The following ADAMTS12 variants were observed in gnomAD, a reference collection of about 807,000 sequenced individuals.
ADAMTS12 encodes A disintegrin and metalloproteinase with thrombospondin motifs 12.
A neutral mutation model predicts 167.8 loss-of-function variants in ADAMTS12; 118 were observed. The observed-to-expected ratio is 0.70, with a 90% CI of 0.61 to 0.82. ADAMTS12 has a LOEUF of 0.82. ADAMTS12 is among the 40% of genes least tolerant of loss of function. ADAMTS12 has a pLI of 0.00. For missense variants in ADAMTS12, 1,916 were observed against 1,998.8 expected (o/e 0.96, Z 0.79); for synonymous variants, 704 against 716.9 (o/e 0.98, Z 0.29).
At chr5:33,552,599 A>G (rs1487088914) in intron 20 of ADAMTS12, among the ~76,000 whole-genome samples, 1 of 152,196 alleles carries the variant, frequency 6.6e-6, no homozygotes, top group Non-Finnish European at 1.5e-5. Context: ...TTCTTTCTGA[A>G]ATATGGAAAG....
intron 9 of ADAMTS12, among the ~76,000 whole-genome samples, chr5:33,645,771 G>A (rs1249195919): frequency 6.6e-6 from 1 of 152,032 alleles, no homozygotes; most frequent in African/African-American, 2.4e-5. Context: ...TTGTTAACAC[G>A]GAAAATGATG....
chr5:33,683,146 A>G, intron 4 of ADAMTS12, 45 bp from the exon 5 acceptor site: 1 of 1,408,868 alleles, frequency 7.1e-7, no homozygotes. Context: ...CGAAGAGATA[A>G]TAAATAAATA....
At chr5:33,573,121 G>C (rs1313915317) in intron 19 of ADAMTS12, among the ~76,000 whole-genome samples, 2 of 151,838 alleles carry the variant, frequency 1.3e-5, no homozygotes, top group East Asian at 1.9e-4. Context: ...AATGGAAGAA[G>C]ATTCCATGCT....
intron 17 of ADAMTS12, among the ~76,000 whole-genome samples, chr5:33,590,570 G>A (rs6878028): frequency 0.031 from 4,688 of 152,220 alleles, 113 homozygotes; most frequent in Non-Finnish European, 0.047. Flanking sequence ...GAAGACCCCC[G>A]CCAGATCAAA....
chr5:33,605,559 GAGTA>G (rs1412882401), intron 16 of ADAMTS12, among the ~76,000 whole-genome samples: 1 of 152,160 alleles, frequency 6.6e-6, no homozygotes, highest in Non-Finnish European at 1.5e-5. Flanking sequence ...CACAGTTGAA[GAGTA>G]AGTGAGTGAT....
chr5:33,636,888 G>T (rs1405259211), intron 12 of ADAMTS12, among the ~76,000 whole-genome samples: 9 of 152,086 alleles, frequency 5.9e-5, no homozygotes, highest in Admixed American at 5.2e-4. Flanking sequence ...TGCCAAGGCC[G>T]CTATTCCATT....
At chr5:33,770,906 A>T (rs1375011889) in intron 2 of ADAMTS12, among the ~76,000 whole-genome samples, 1 of 148,502 alleles carries the variant, frequency 6.7e-6, no homozygotes, top group African/African-American at 2.5e-5. Flanking sequence ...AGAGATTCTG[A>T]TCTTGAACTT....
rs907206498 is a variant in ADAMTS12, at chr5:33,797,279, G to A, written c.490-45731C>T. On this transcript the variant is annotated intron_variant, in intron 2 of 23. Transcript: ENST00000504830. Reference sequence around the variant, plus strand: ...TTCCTGGCCAAGCCTGTTGAAGAGGGCTCCTGCCCTATAAAATGGGAGGAT... The same window carrying A: ...TTCCTGGCCAAGCCTGTTGAAGAGGACTCCTGCCCTATAAAATGGGAGGAT... Among the ~76,000 whole-genome samples, 3 of 152,064 alleles carry A rather than the reference G, an allele frequency of 2.0e-5. No individual in the cohort carries two copies. In the South Asian group the frequency reaches 6.2e-4, roughly 32 times the overall value.
chr5:33,764,222 T>A (rs1177934929), intron 2 of ADAMTS12, among the ~76,000 whole-genome samples: 1 of 152,228 alleles, frequency 6.6e-6, no homozygotes. Flanking sequence ...CCTACTTTAA[T>A]TATTAGAAAT....
At chr5:33,555,076 T>C (rs995670509) in intron 20 of ADAMTS12, among the ~76,000 whole-genome samples, 1 of 152,196 alleles carries the variant, frequency 6.6e-6, no homozygotes, top group African/African-American at 2.4e-5. Flanking sequence ...AAAGGGGTTG[T>C]CAAATCAGCA....
intron 20 of ADAMTS12, among the ~76,000 whole-genome samples, chr5:33,554,366 A>G (rs113679652): frequency 0.01 from 1,551 of 152,240 alleles, 24 homozygotes; most frequent in African/African-American, 0.036. Context: ...TGGTCTGGAC[A>G]TTGGTGGTCT....
intron 6 of ADAMTS12, among the ~76,000 whole-genome samples, chr5:33,659,557 T>C (rs1741181870): frequency 6.6e-6 from 1 of 152,196 alleles, no homozygotes; most frequent in South Asian, 2.1e-4. Context: ...CATTAAATAC[T>C]GATTATAGAG....
intron 2 of ADAMTS12, among the ~76,000 whole-genome samples, chr5:33,808,411 TAAAAC>T (rs370788054): frequency 0.019 from 2,831 of 152,286 alleles, 76 homozygotes; most frequent in African/African-American, 0.063. Context: ...CATCAGTAAT[TAAAAC>T]AAAACAAAAA....
At chr5:33,568,521 C>T (rs2111920833) in intron 19 of ADAMTS12, among the ~76,000 whole-genome samples, 1 of 152,308 alleles carries the variant, frequency 6.6e-6, no homozygotes. Flanking sequence ...ACAGAAGGTT[C>T]ATCATCCAAT....
At chr5:33,781,420 T>C (rs542517216) in intron 2 of ADAMTS12, among the ~76,000 whole-genome samples, 29 of 152,222 alleles carry the variant, frequency 1.9e-4, no homozygotes, top group Non-Finnish European at 3.7e-4. Flanking sequence ...ATTCAGAATA[T>C]GTGGATGTGG....
intron 2 of ADAMTS12, among the ~76,000 whole-genome samples, chr5:33,753,712 A>T (rs1295889889): frequency 6.6e-6 from 1 of 152,238 alleles, no homozygotes; most frequent in Non-Finnish European, 1.5e-5. Context: ...AGGACATAAT[A>T]ACCATTTTAC....
In ADAMTS12 at chr5:33,834,204, T is replaced by A. The variant is rs75951744; in HGVS notation, c.489+46915A>T. Reference sequence around the variant, plus strand: ...AAGTTAGTTACCCCTTTAAAGACCCTATCTTCATATATGGTTCTATTCTGA... The same window carrying A: ...AAGTTAGTTACCCCTTTAAAGACCCAATCTTCATATATGGTTCTATTCTGA... On this transcript the variant is annotated intron_variant, in intron 2 of 23. Transcript: ENST00000504830. 1.9e-3 allele frequency among the ~76,000 whole-genome samples: 289 copies of A among 152,064 alleles called. 4 individuals are homozygous for A. The highest frequency in any genetic ancestry group is 0.015 in the Admixed American group (237 of 15,292).
chr5:33,603,318 T>G (rs1175284076), intron 16 of ADAMTS12: 6 of 152,242 alleles, frequency 3.9e-5, no homozygotes, highest in Non-Finnish European at 7.3e-5. Flanking sequence ...GTCCTGAAGC[T>G]TCCTGTGGAG....
intron 22 of ADAMTS12, among the ~76,000 whole-genome samples, chr5:33,541,330 T>A (rs997944638): frequency 6.6e-6 from 1 of 152,176 alleles, no homozygotes; most frequent in Non-Finnish European, 1.5e-5. Context: ...AATATGGGAC[T>A]ATGTGAAAAG....
Sources: allele counts gnomAD v4.1 joint callset (sites outside exome capture counted in the v4.1 genomes callset), GRCh38; gene constraint gnomAD v4.1.1; transcripts MANE v1.5; gene names NCBI Gene and HGNC (gene_info 2026-07-23, HGNC 2026-07-21).